The following ARHGAP1 variants were observed in gnomAD, a reference collection of about 807,000 sequenced individuals.
The protein encoded by ARHGAP1 is rho GTPase-activating protein 1.
ARHGAP1 carries 23 observed loss-of-function variants against 52.2 expected under a neutral mutation model. That is an observed-to-expected ratio of 0.44 (90% CI 0.32 to 0.62). The LOEUF is 0.62. Among genes scored for constraint, ARHGAP1 ranks in the 20% least tolerant of loss-of-function variants. The pLI, the probability that ARHGAP1 is intolerant of heterozygous loss-of-function variation, is 0.05. For synonymous variants in ARHGAP1, 210 were observed against 228.4 expected (o/e 0.92, Z 0.73); for missense variants, 480 against 560.9 (o/e 0.86, Z 1.46).
chr11:46,689,575 C>G (rs2064596028), intron 3 of ARHGAP1, among the ~76,000 whole-genome samples: 1 of 152,098 alleles, frequency 6.6e-6, no homozygotes, highest in East Asian at 1.9e-4. Context: ...GAGTCTCACT[C>G]TGTCACCCAG....
Position 46,679,948 on chromosome 11 carries a change from T to C in ARHGAP1, c.899-172A>G. The C allele has an allele frequency of 8.3e-7, 1 of 1,198,282 alleles. No individual in the cohort carries two copies. Among genetic ancestry groups the C allele is most frequent in the Non-Finnish European group, 1.1e-6 (1 of 875,226 alleles). 74.2% of individuals were successfully genotyped at this position (1,198,282 alleles called of 1,614,324 possible). ...TTCCTCTGTGATCAGAGAATGCAGGTTCCGGCCATCTGGGGAAGTGGGGCC... is the reference window on the plus strand; with the variant it reads ...TTCCTCTGTGATCAGAGAATGCAGGCTCCGGCCATCTGGGGAAGTGGGGCC... On this transcript the variant is annotated intron_variant, in intron 10 of 12. Transcript: ENST00000311956. This position sits in a 1 kb window ranked among gnomAD's most constrained non-coding sequence, Gnocchi z 4.4.
intron 3 of ARHGAP1, among the ~76,000 whole-genome samples, chr11:46,689,107 C>A (rs1273266106): frequency 2.0e-5 from 3 of 151,650 alleles, no homozygotes; most frequent in Non-Finnish European, 4.4e-5. Context: ...AAAGTTATGC[C>A]TGGTGCAGAC....
chr11:46,685,449 T>C (rs1231238034), intron 4 of ARHGAP1, among the ~76,000 whole-genome samples: 1 of 151,500 alleles, frequency 6.6e-6, no homozygotes, highest in Non-Finnish European at 1.5e-5. Context: ...AGCCTCAGCC[T>C]CCTAAGTAGC....
intron 3 of ARHGAP1, among the ~76,000 whole-genome samples, 163 bp from the exon 4 acceptor site, chr11:46,688,423 G>A (rs1254463699): frequency 1.3e-5 from 2 of 152,128 alleles, no homozygotes; most frequent in Non-Finnish European, 1.5e-5. Flanking sequence ...GCAAGGGTGT[G>A]CCACTGAAGA....
At position 46,679,668 on chromosome 11, in the gene ARHGAP1, G is replaced by T. The variant is rs1242608788; in HGVS notation, c.1007C>A (p.Pro336His). ...CTCACTGAGGAAGCCCACCACATGG[G>T]GGTAGAGGTCAAAGGTGAGCAGGGG... ...PEPLLTFDLY[P>H]HVVGFLNIDE... The change falls in exon 11 of 13, where the codon CCC becomes CAC. Residue 336 changes from proline to histidine, a missense_variant. Physicochemically the swap from Pro to His is moderately conservative, Grantham distance 77. Coordinates refer to ENST00000311956, the MANE Select transcript of ARHGAP1 (RefSeq NM_004308.5). This position sits in a 1 kb window ranked among gnomAD's most constrained non-coding sequence, Gnocchi z 4.4. 5.0e-6 allele frequency: 8 copies of T among 1,614,096 alleles called. No homozygotes were observed. The South Asian group carries it at 7.7e-5, about 16-fold the overall frequency.
chr11:46,689,192 A>T (rs2064593421), intron 3 of ARHGAP1, among the ~76,000 whole-genome samples: 1 of 152,220 alleles, frequency 6.6e-6, no homozygotes, highest in Non-Finnish European at 1.5e-5. Context: ...ATAAAAAGGA[A>T]TGAAGTACTG....
At chr11:46,694,284 A>C (rs2064636095) in intron 3 of ARHGAP1, among the ~76,000 whole-genome samples, 1 of 149,044 alleles carries the variant, frequency 6.7e-6, no homozygotes, top group African/African-American at 2.5e-5. Flanking sequence ...GCTATTTCCG[A>C]CTCCCAGGCA....
At chr11:46,695,475 A>G in intron 3 of ARHGAP1, 185 bp downstream of exon 3, 1 of 700,642 alleles carries the variant, frequency 1.4e-6, no homozygotes, top group South Asian at 1.5e-5. Flanking sequence ...TTCAAAGAGC[A>G]GAGCTGGAGA....
chr11:46,681,127 G>A lies in ARHGAP1; in HGVS notation c.537-18C>T, dbSNP rs751729563. 2 of 1,611,614 alleles carry A rather than the reference G, an allele frequency of 1.2e-6. No individual in the cohort carries two copies. Among genetic ancestry groups the A allele is most frequent in the Non-Finnish European group, 1.7e-6 (2 of 1,177,726 alleles). ...ACTTGAAGCTGTTGGTGGAAGAAAG[G>A]GCCTGGGTTGTGGGGGCCCGCTTCC... On this transcript the variant is annotated intron_variant, in intron 6 of 12. Transcript: ENST00000311956. This position sits in a 1 kb window ranked among gnomAD's most constrained non-coding sequence, Gnocchi z 5.7.
chr11:46,690,331 G>A (rs1376156128), intron 3 of ARHGAP1, among the ~76,000 whole-genome samples: 1 of 151,560 alleles, frequency 6.6e-6, no homozygotes. Flanking sequence ...AGCTTGCAGT[G>A]AGCCGAGATC....
Position 46,679,792 on chromosome 11 carries a change from C to T in ARHGAP1, c.899-16G>A, listed in dbSNP as rs1405661321. The T allele has an allele frequency of 1.1e-5, 18 of 1,612,500 alleles. No individual in the cohort carries two copies. Among genetic ancestry groups the T allele is most frequent in the East Asian group, 4.5e-5 (2 of 44,896 alleles). On this transcript the variant is annotated splice_polypyrimidine_tract_variant and intron_variant, in intron 10 of 12. Transcript: ENST00000311956. This position sits in a 1 kb window ranked among gnomAD's most constrained non-coding sequence, Gnocchi z 4.4. Reference sequence around the variant, plus strand: ...ACAGGCAGCCCTGGGGTGGGGGCAGCGTGAGAGAAGCTCGGCACAGCCTGA... The same window carrying T: ...ACAGGCAGCCCTGGGGTGGGGGCAGTGTGAGAGAAGCTCGGCACAGCCTGA...
intron 3 of ARHGAP1, among the ~76,000 whole-genome samples, chr11:46,694,056 G>A (rs1382116524): frequency 2.6e-5 from 4 of 151,956 alleles, no homozygotes; most frequent in African/African-American, 9.7e-5. Flanking sequence ...ACATCTCCAC[G>A]GTCTCACCAA....
chr11:46,688,042 C>T, intron 4 of ARHGAP1, 131 bp downstream of exon 4: 1 of 822,078 alleles, frequency 1.2e-6, no homozygotes, highest in Non-Finnish European at 1.9e-6. Flanking sequence ...CCAGCTCCTT[C>T]ATGAGAAGAG....
chr11:46,680,102 G>C lies in ARHGAP1; in HGVS notation c.898+103C>G. 7.3e-7 allele frequency: 1 copy of C among 1,372,480 alleles called. No homozygotes were observed. The highest frequency in any genetic ancestry group is 1.4e-5 in the African/African-American group (1 of 69,884). The allele number at this position is 1,372,480 out of a possible 1,614,324, so 85.0% of individuals were successfully genotyped here. A position where few individuals can be genotyped will look rare whatever the true frequency, so the allele number is the denominator to read the frequency against. The stretch of plus-strand genomic sequence containing the variant: ...ACACCCAGAGCCACGGAAACCTCCA[G>C]CAGGAAGAGACTCTGAGACTCTCAT... On this transcript the variant is annotated intron_variant, in intron 10 of 12. Transcript: ENST00000311956. This position sits in a 1 kb window ranked among gnomAD's most constrained non-coding sequence, Gnocchi z 5.9.
chr11:46,680,774 G>A lies in ARHGAP1; in HGVS notation c.636-27C>T. 6.8e-7 allele frequency: 1 copy of A among 1,479,608 alleles called. No homozygotes were observed. Among genetic ancestry groups the A allele is most frequent in the Admixed American group, 2.1e-5 (1 of 48,312 alleles). 91.7% of individuals were successfully genotyped at this position (1,479,608 alleles called of 1,614,324 possible). On this transcript the variant is annotated intron_variant, in intron 7 of 12. Coordinates refer to ENST00000311956, the MANE Select transcript of ARHGAP1 (RefSeq NM_004308.5). This position sits in a 1 kb window ranked among gnomAD's most constrained non-coding sequence, Gnocchi z 5.9. ...TGTAGGAGTAGAGGGAGGTGGGTCA[G>A]GTCCTGCCTGGCTCTGGAGTCACTC... is the stretch of plus-strand genomic sequence containing the variant.
Position 46,688,172 on chromosome 11 carries a change from C to A in ARHGAP1, c.317+1G>T. 1 of 1,613,138 alleles carries A rather than the reference C, an allele frequency of 6.2e-7. No individual in the cohort carries two copies. Among genetic ancestry groups the A allele is most frequent in the South Asian group, 1.1e-5 (1 of 90,852 alleles). ...CAACACACTTCCCAGCAGGTACTCA[C>A]CCCAGGAGCTTGCTGTGGTCGAGCT... On this transcript the variant is annotated splice_donor_variant, in intron 4 of 12. Transcript: ENST00000311956. LOFTEE classifies it high-confidence loss of function.
rs755506965 is a variant in ARHGAP1 at position 46,680,897 on chromosome 11, G to A, written c.635+114C>T. On this transcript the variant is annotated intron_variant, in intron 7 of 12. Transcript: ENST00000311956. The surrounding 1 kb of genome is among the most constrained non-coding windows in gnomAD (Gnocchi z 5.9). ...TTTCCACAGCAGAAAGCAAAGACCT[G>A]GGAGAGGTCGGGACACGGGCTTGCT... 8.9e-7 allele frequency: 1 copy of A among 1,122,758 alleles called. No individual in the cohort carries two copies. The highest frequency in any genetic ancestry group is 1.3e-6 in the Non-Finnish European group (1 of 771,338). 69.5% of individuals were successfully genotyped at this position (1,122,758 alleles called of 1,614,324 possible).
At position 46,680,563 on chromosome 11, in the gene ARHGAP1, G is replaced by A; in HGVS notation, c.744C>T (p.His248=). The stretch of plus-strand genomic sequence containing the variant: ...CCTGCTCTGGATTCTTCTCCTGGAG[G>A]CTGCGGGAAAAAGGCTGGTGAGCCG... ...PNQQFGVSLQ[H]LQEKNPEQEP... is the part of the protein sequence containing the mutation. Residue 248 remains histidine (H), a splice_region_variant and synonymous_variant, in exon 9 of 13, where the codon CAC becomes CAT. Coordinates refer to ENST00000311956, the MANE Select transcript of ARHGAP1 (RefSeq NM_004308.5). The surrounding 1 kb of genome is among the most constrained non-coding windows in gnomAD (Gnocchi z 5.9). 6.2e-7 allele frequency: 1 copy of A among 1,614,058 alleles called. No individual in the cohort carries two copies. Among genetic ancestry groups the A allele is most frequent in the Non-Finnish European group, 8.5e-7 (1 of 1,179,994 alleles).
chr11:46,694,881 G>A (rs2064640816), intron 3 of ARHGAP1, among the ~76,000 whole-genome samples: 1 of 152,156 alleles, frequency 6.6e-6, no homozygotes, highest in Admixed American at 6.5e-5. Context: ...CAGGGCCGGT[G>A]TCTGCCAGGT....
Sources: allele counts gnomAD v4.1 joint callset (sites outside exome capture counted in the v4.1 genomes callset), GRCh38; gene constraint gnomAD v4.1.1; non-coding constraint Gnocchi (gnomAD v3.1); transcripts MANE v1.5; gene names NCBI Gene and HGNC (gene_info 2026-07-23, HGNC 2026-07-21).